ARSB: variants seen among roughly 807,000 people sequenced by gnomAD.
ARSB encodes N-acetylgalactosamine-4-sulfatase.
Under a neutral mutation model 50.9 loss-of-function variants are expected in ARSB, and 41 were observed. The ratio of observed to expected loss-of-function variants is 0.81; its 90% CI spans 0.63 to 1.04. ARSB has a LOEUF of 1.04. ARSB is among the 50% of genes least tolerant of loss of function. The pLI is 0.00. For synonymous variants in ARSB, 269 were observed against 284.8 expected (o/e 0.94, Z 0.56); for missense variants, 672 against 693.3 (o/e 0.97, Z 0.35).
intron 2 of ARSB, among the ~76,000 whole-genome samples, chr5:78,968,557 G>A (rs1471032617): frequency 6.6e-6 from 1 of 151,984 alleles, no homozygotes. Flanking sequence ...CACCGTGTTA[G>A]TCAGGATGGT....
chr5:78,902,642 T>C (rs1346805588), intron 4 of ARSB, among the ~76,000 whole-genome samples: 1 of 152,318 alleles, frequency 6.6e-6, no homozygotes, highest in South Asian at 2.1e-4. Flanking sequence ...TAAAACATTA[T>C]GCCAAATAAA....
At chr5:78,868,730 G>C (rs917386888) in intron 5 of ARSB, among the ~76,000 whole-genome samples, 1 of 141,614 alleles carries the variant, frequency 7.1e-6, no homozygotes, top group Admixed American at 7.2e-5. Context: ...AAAGACCATC[G>C]AGACTAGGAA....
At chr5:78,848,339 T>C (rs1285526176) in intron 5 of ARSB, among the ~76,000 whole-genome samples, 1 of 49,630 alleles carries the variant, frequency 2.0e-5, no homozygotes, top group Non-Finnish European at 4.2e-5. Context: ...GTCCTTGCGA[T>C]AGTTTACTGA....
intron 4 of ARSB, among the ~76,000 whole-genome samples, chr5:78,916,702 G>C (rs1370807253): frequency 2.6e-5 from 4 of 152,146 alleles, no homozygotes; most frequent in Admixed American, 2.0e-4. Context: ...CAATACAAGT[G>C]TGTAAGAAAA....
intron 1 of ARSB, among the ~76,000 whole-genome samples, chr5:78,975,908 A>C (rs1189364630): frequency 6.6e-6 from 1 of 152,248 alleles, no homozygotes; most frequent in African/African-American, 2.4e-5. Flanking sequence ...ATTAGGAATA[A>C]CAAAGGTATA....
intron 4 of ARSB, among the ~76,000 whole-genome samples, chr5:78,896,667 A>T (rs1032350221): frequency 6.6e-6 from 1 of 152,230 alleles, no homozygotes; most frequent in Non-Finnish European, 1.5e-5. Context: ...AAGCAGTAAT[A>T]TGGACTCATT....
At position 78,955,440 on chromosome 5, in the gene ARSB, G is replaced by C. The variant is rs765711776; in HGVS notation, c.753C>G (p.Tyr251Ter). ...CTTGGATAAAGTCATATGGCTTCAAGTATTCCTCAGGGACCTGAAGGGGCT... is the reference window on the plus strand; with the variant it reads ...CTTGGATAAAGTCATATGGCTTCAACTATTCCTCAGGGACCTGAAGGGGCT... ...VHEPLQVPEE[Y>*]LKPYDFIQDK... The change falls in exon 4 of 8, where the codon TAC becomes TAG. Residue 251 changes from tyrosine (Y) to a stop codon, truncating the protein, a stop_gained. Coordinates refer to ENST00000264914, the MANE Select transcript of ARSB (RefSeq NM_000046.5). LOFTEE classifies it high-confidence loss of function. 2 of 1,614,198 alleles carry C rather than the reference G, an allele frequency of 1.2e-6. No homozygotes were observed. Among genetic ancestry groups the C allele is most frequent in the Middle Eastern group, 3.3e-4 (2 of 6,060 alleles).
In ARSB at chr5:78,905,958, T is replaced by C. The variant is rs1365938050; in HGVS notation, c.899-20131A>G. On this transcript the variant is annotated intron_variant, in intron 4 of 7. Coordinates refer to ENST00000264914, the MANE Select transcript of ARSB (RefSeq NM_000046.5). Reference sequence around the variant, plus strand: ...AAAAAGAGGAAAATAACAGAGATTATCTCACACTCCGGTCAGAAATGTGGG... The same window carrying C: ...AAAAAGAGGAAAATAACAGAGATTACCTCACACTCCGGTCAGAAATGTGGG... Among the ~76,000 whole-genome samples, 6 of 144,438 alleles carry C rather than the reference T, an allele frequency of 4.2e-5. No homozygotes were observed. In the East Asian group the frequency reaches 1.2e-3, roughly 30 times the overall value. 94.8% of individuals were successfully genotyped at this position (144,438 alleles called of 152,430 possible).
At chr5:78,924,468 G>A (rs1749961847) in intron 4 of ARSB, among the ~76,000 whole-genome samples, 1 of 152,136 alleles carries the variant, frequency 6.6e-6, no homozygotes, top group African/African-American at 2.4e-5. Flanking sequence ...ATTTTCTGGA[G>A]CCTGTCCTAT....
chr5:78,866,598 G>C (rs1018357104), intron 5 of ARSB, among the ~76,000 whole-genome samples: 73 of 152,352 alleles, frequency 4.8e-4, no homozygotes, highest in African/African-American at 1.7e-3. Flanking sequence ...GGAGTCAAAA[G>C]GGAGTCCAAG....
At chr5:78,823,956 G>T (rs1300669495) in intron 6 of ARSB, among the ~76,000 whole-genome samples, 2 of 143,346 alleles carry the variant, frequency 1.4e-5, no homozygotes, top group African/African-American at 6.0e-5. Flanking sequence ...CAATGTTGGA[G>T]GGGGGGCACA....
At position 78,780,607 on chromosome 5, in the gene ARSB, T is replaced by G; in HGVS notation, c.1392A>C (p.Ser464=). Residue 464 remains serine (S), a synonymous_variant, in exon 8 of 8, where the codon TCA becomes TCC. Transcript: ENST00000264914. ...PSQYNVSEIP[S]SDPPTKTLWL... ...AGAGGGTCTTGGTTGGTGGGTCTGA[T>G]GAGGGTATCTCAGAAACATTGTATT... 6.2e-7 allele frequency: 1 copy of G among 1,614,062 alleles called. No homozygotes were observed. Among genetic ancestry groups the G allele is most frequent in the African/African-American group, 1.3e-5 (1 of 75,006 alleles).
At position 78,834,570 on chromosome 5, in the gene ARSB, T is replaced by C. The variant is rs1166211741; in HGVS notation, c.1213+4786A>G. Among the ~76,000 whole-genome samples the C allele has an allele frequency of 2.7e-5, 4 of 146,754 alleles. 1 individual carries two copies. Among genetic ancestry groups the C allele is most frequent in the Admixed American group, 2.1e-4 (3 of 14,608 alleles). On this transcript the variant is annotated intron_variant, in intron 6 of 7. Transcript: ENST00000264914. ...TAGCATGTATTAGAATTTCTTTCAC[T>C]GTTAGTGCTGGATACTATTTCATGG...
intron 4 of ARSB, among the ~76,000 whole-genome samples, chr5:78,928,834 A>G (rs76925065): frequency 0.025 from 3,782 of 152,270 alleles, 165 homozygotes; most frequent in African/African-American, 0.085. Context: ...TCCCTTCTAT[A>G]TATTCAAGCA....
intron 5 of ARSB, among the ~76,000 whole-genome samples, chr5:78,866,127 G>C (rs1002856288): frequency 6.6e-6 from 1 of 152,088 alleles, no homozygotes; most frequent in Non-Finnish European, 1.5e-5. Flanking sequence ...GTATTACTCT[G>C]TTTTCATGCT....
At chr5:78,964,830 A>T (rs1402257493) in intron 2 of ARSB, among the ~76,000 whole-genome samples, 1 of 151,338 alleles carries the variant, frequency 6.6e-6, no homozygotes, top group Non-Finnish European at 1.5e-5. Context: ...CCTTTAGAAT[A>T]TAGGCGCTAT....
chr5:78,913,326 G>T (rs1162357833), intron 4 of ARSB, among the ~76,000 whole-genome samples: 1 of 151,822 alleles, frequency 6.6e-6, no homozygotes, highest in African/African-American at 2.4e-5. Context: ...GGGTTTCACC[G>T]TGTTAGCCAG....
chr5:78,816,433 G>C (rs907142295), intron 6 of ARSB, among the ~76,000 whole-genome samples: 2 of 152,166 alleles, frequency 1.3e-5, no homozygotes, highest in Non-Finnish European at 2.9e-5. Flanking sequence ...CTCAGTCACA[G>C]ATTTCTGGTC....
chr5:78,909,650 A>G (rs760092018), intron 4 of ARSB, among the ~76,000 whole-genome samples: 14 of 152,222 alleles, frequency 9.2e-5, no homozygotes, highest in Non-Finnish European at 1.5e-4. Flanking sequence ...CCAGGGGCAC[A>G]ATGCACTGCA....
Sources: gnomAD v4.1 joint callset for allele counts (sites outside exome capture counted in the v4.1 genomes callset) on GRCh38, gnomAD v4.1.1 for gene constraint, MANE v1.5 for transcripts, NCBI Gene and HGNC (gene_info 2026-07-23, HGNC 2026-07-21) for gene names.